The following LRP6 variants were observed in gnomAD, a reference collection of about 807,000 sequenced individuals.
LRP6 encodes LDL receptor related protein 6, also known as low-density lipoprotein receptor-related protein 6.
Under a neutral mutation model 184.1 loss-of-function variants are expected in LRP6, and 43 were observed. That is an observed-to-expected ratio of 0.23 (90% CI 0.18 to 0.30). The LOEUF is 0.30. LRP6 is among the 10% of genes least tolerant of loss of function. LRP6 has a pLI of 1.00. For missense variants in LRP6, 1,571 were observed against 2,005.3 expected (o/e 0.78, Z 4.14); for synonymous variants, 719 against 684.9 (o/e 1.05, Z -0.78).
At position 12,193,500 on chromosome 12, in the gene LRP6, CAA is replaced by C. The variant is rs61513905; in HGVS notation, c.648-6383_648-6382del. ...ACAACCCTTTAGTGCTAGACTGACC[CAA>C]AAAAAAAGACGCAAATTGTGAAAAC... On this transcript the variant is annotated intron_variant, in intron 3 of 22. Coordinates refer to ENST00000261349, the MANE Select transcript of LRP6 (RefSeq NM_002336.3). Among the ~76,000 whole-genome samples, 812 of 148,952 alleles carry C rather than the reference CAA, an allele frequency of 5.5e-3. 1 individual carries two copies. The highest frequency in any genetic ancestry group is 0.019 in the African/African-American group (769 of 40,864).
At chr12:12,158,781 T>C in intron 12 of LRP6, 48 bp downstream of exon 12, 1 of 1,573,510 alleles carries the variant, frequency 6.4e-7, no homozygotes, top group African/African-American at 1.3e-5. Context: ...ACTTTGAAAA[T>C]GCTGCTTTCT....
Position 12,178,024 on chromosome 12 carries a change from G to GTA in LRP6, c.1545+1784_1545+1785dup, listed in dbSNP as rs143190824. Among the ~76,000 whole-genome samples, 896 of 149,948 alleles carry GTA rather than the reference G, an allele frequency of 6.0e-3. 6 individuals carry two copies. The highest frequency in any genetic ancestry group is 0.016 in the African/African-American group (672 of 41,028). ...CACCACTGTATGTATGTGTCTGTATGTATATATATATATATGCATAGCTCA... is the reference window on the plus strand; with the variant it reads ...CACCACTGTATGTATGTGTCTGTATGTATATATATATATATATGCATAGCTCA... On this transcript the variant is annotated intron_variant, in intron 7 of 22. Coordinates refer to ENST00000261349, the MANE Select transcript of LRP6 (RefSeq NM_002336.3).
At chr12:12,246,863 T>C (rs919398682) in intron 1 of LRP6, among the ~76,000 whole-genome samples, 24 of 152,312 alleles carry the variant, frequency 1.6e-4, no homozygotes, top group African/African-American at 5.8e-4. Flanking sequence ...ACACTATAGA[T>C]TGTGTCTGTC....
intron 2 of LRP6, among the ~76,000 whole-genome samples, chr12:12,219,791 C>T (rs1467287491): frequency 2.0e-5 from 3 of 152,198 alleles, no homozygotes; most frequent in African/African-American, 7.2e-5. Context: ...CCACATCTCT[C>T]TCCTAACTGG....
intron 2 of LRP6, among the ~76,000 whole-genome samples, chr12:12,206,491 G>C (rs1041035076): frequency 1.3e-5 from 2 of 151,302 alleles, no homozygotes; most frequent in Admixed American, 6.6e-5. Context: ...TGCAGTGAGC[G>C]GAGATAGCGC....
chr12:12,155,527 T>A, intron 12 of LRP6: 1 of 762,192 alleles, frequency 1.3e-6, no homozygotes, highest in Admixed American at 1.8e-5. Context: ...CCAACAGAAT[T>A]AATATGCATA....
At chr12:12,142,032 G>A (rs939011096) in intron 15 of LRP6, among the ~76,000 whole-genome samples, 2 of 152,116 alleles carry the variant, frequency 1.3e-5, no homozygotes, top group African/African-American at 4.8e-5. Context: ...GGAAGTCAAT[G>A]TTTAACGTCT....
intron 3 of LRP6, among the ~76,000 whole-genome samples, chr12:12,200,850 C>T (rs757132481): frequency 6.6e-6 from 1 of 152,162 alleles, no homozygotes; most frequent in African/African-American, 2.4e-5. Flanking sequence ...ATAAGTGATT[C>T]GCAGCCTCCT....
rs35341305 is a variant in LRP6 at position 12,180,240 on chromosome 12, CTTTTT to C, written c.1374-264_1374-260del. ...CAATAATGAGATTACAGTTTTACTT[CTTTTT>C]TTTTTTTTTTTTTTTAAATATTTTG... On this transcript the variant is annotated intron_variant, in intron 6 of 22. Coordinates refer to ENST00000261349, the MANE Select transcript of LRP6 (RefSeq NM_002336.3). Among the ~76,000 whole-genome samples the C allele has an allele frequency of 4.0e-5, 5 of 126,104 alleles. No homozygotes were observed. The East Asian group carries it at 6.8e-4, about 17-fold the overall frequency. The allele number at this position is 126,104 out of a possible 152,430, so 82.7% of individuals were successfully genotyped here. A position where few individuals can be genotyped will look rare whatever the true frequency, so the allele number is the denominator to read the frequency against.
At chr12:12,193,562 C>T (rs1465825157) in intron 3 of LRP6, among the ~76,000 whole-genome samples, 1 of 151,502 alleles carries the variant, frequency 6.6e-6, no homozygotes, top group Admixed American at 6.6e-5. Context: ...AGAAACACTG[C>T]CTTACAGAAA....
At chr12:12,236,661 G>T (rs1482732603) in intron 2 of LRP6, among the ~76,000 whole-genome samples, 1 of 152,174 alleles carries the variant, frequency 6.6e-6, no homozygotes. Flanking sequence ...CTATAAACTG[G>T]ATGTTCCCAC....
intron 2 of LRP6, among the ~76,000 whole-genome samples, chr12:12,219,738 C>T (rs1195862531): frequency 6.6e-6 from 1 of 152,136 alleles, no homozygotes; most frequent in African/African-American, 2.4e-5. Flanking sequence ...AAGGCAGAAC[C>T]TTGCCCTAAA....
At chr12:12,122,424 G>A (rs1056144293) in intron 22 of LRP6, among the ~76,000 whole-genome samples, 2 of 152,028 alleles carry the variant, frequency 1.3e-5, no homozygotes, top group Admixed American at 1.3e-4. Context: ...CTGATACAAC[G>A]ATTCATAAAA....
intron 19 of LRP6, among the ~76,000 whole-genome samples, chr12:12,129,966 C>T (rs1352153168): frequency 6.6e-6 from 1 of 151,300 alleles, no homozygotes; most frequent in Non-Finnish European, 1.5e-5. Context: ...ATTTCTATTA[C>T]AGCACTTATA....
At position 12,146,324 on chromosome 12, in the gene LRP6, T is replaced by C. The variant is rs544136554; in HGVS notation, c.3397+1042A>G. Among the ~76,000 whole-genome samples the C allele has an allele frequency of 2.0e-5, 3 of 152,326 alleles. No individual in the cohort carries two copies. In the South Asian group the frequency reaches 6.2e-4, roughly 32 times the overall value. On this transcript the variant is annotated intron_variant, in intron 15 of 22. Coordinates refer to ENST00000261349, the MANE Select transcript of LRP6 (RefSeq NM_002336.3). ...CAATTTCCACTTCCACCAAAGCACATGAGGGCATGTAATTTTCTACCATAC... is the reference window on the plus strand; with the variant it reads ...CAATTTCCACTTCCACCAAAGCACACGAGGGCATGTAATTTTCTACCATAC...
At chr12:12,161,482 C>A (rs1331308289) in intron 10 of LRP6, among the ~76,000 whole-genome samples, 2 of 152,102 alleles carry the variant, frequency 1.3e-5, no homozygotes, top group Non-Finnish European at 2.9e-5. Context: ...GTTGGCCAGG[C>A]TGGTCTCGAA....
chr12:12,223,573 C>G (rs889595517), intron 2 of LRP6, among the ~76,000 whole-genome samples: 1 of 152,162 alleles, frequency 6.6e-6, no homozygotes, highest in South Asian at 2.1e-4. Context: ...CACCCTCCCC[C>G]AGTCTGTGAG....
intron 3 of LRP6, among the ~76,000 whole-genome samples, chr12:12,200,448 G>A (rs111580539): frequency 6.6e-6 from 1 of 152,042 alleles, no homozygotes; most frequent in African/African-American, 2.4e-5. Flanking sequence ...TTCTTCCAAG[G>A]AGGCTGAGGC....
intron 3 of LRP6, among the ~76,000 whole-genome samples, chr12:12,188,301 A>G (rs571854913): frequency 1.3e-5 from 2 of 152,276 alleles, no homozygotes; most frequent in African/African-American, 4.8e-5. Flanking sequence ...TCAAGAAAAT[A>G]CATGTTTTGA....
Sources: allele counts gnomAD v4.1 joint callset (sites outside exome capture counted in the v4.1 genomes callset), GRCh38; gene constraint gnomAD v4.1.1; transcripts MANE v1.5; gene names NCBI Gene and HGNC (gene_info 2026-07-23, HGNC 2026-07-21).